The following PTPRN2 variants were observed in gnomAD, a reference collection of about 807,000 sequenced individuals.
PTPRN2 encodes protein tyrosine phosphatase receptor type N2, also known as receptor-type tyrosine-protein phosphatase N2.
Under a neutral mutation model 118.8 loss-of-function variants are expected in PTPRN2, and 74 were observed. The observed-to-expected ratio is 0.62, with a 90% CI of 0.52 to 0.76. The LOEUF is 0.76. Among genes scored for constraint, PTPRN2 ranks in the 30% least tolerant of loss-of-function variants. The pLI is 0.00. For missense variants in PTPRN2, 1,481 were observed against 1,394.4 expected (o/e 1.06, Z -0.99); for synonymous variants, 641 against 608.0 (o/e 1.05, Z -0.80).
chr7:157,969,258 TACC>T (rs544761277), intron 11 of PTPRN2, among the ~76,000 whole-genome samples: 115 of 152,218 alleles, frequency 7.6e-4, no homozygotes, highest in South Asian at 4.4e-3. Context: ...CACAGGTGCA[TACC>T]ACCATGCCCA....
intron 5 of PTPRN2, among the ~76,000 whole-genome samples, chr7:158,172,074 G>A (rs926087230): frequency 6.6e-6 from 1 of 152,054 alleles, no homozygotes; most frequent in Non-Finnish European, 1.5e-5. Flanking sequence ...TATTCTACTG[G>A]GAATATTCTT....
At chr7:158,340,921 C>G (rs1319203071) in intron 2 of PTPRN2, among the ~76,000 whole-genome samples, 1 of 85,354 alleles carries the variant, frequency 1.2e-5, no homozygotes, top group Non-Finnish European at 2.5e-5. Flanking sequence ...CACACCCACA[C>G]ACGTCAATCA....
intron 11 of PTPRN2, among the ~76,000 whole-genome samples, chr7:157,925,254 A>G (rs10270502): frequency 0.17 from 7,197 of 41,492 alleles, 15 homozygotes; most frequent in Middle Eastern, 0.2. Context: ...AGGCACCTGC[A>G]TTTAGCACGT....
chr7:158,019,372 G>A (rs1354313611), intron 11 of PTPRN2, among the ~76,000 whole-genome samples: 1 of 152,270 alleles, frequency 6.6e-6, no homozygotes, highest in Non-Finnish European at 1.5e-5. Context: ...GCGATAGAAG[G>A]AGGGGGCAGA....
intron 12 of PTPRN2, among the ~76,000 whole-genome samples, chr7:157,842,283 C>T (rs1008016153): frequency 6.6e-6 from 1 of 152,134 alleles, no homozygotes; most frequent in Non-Finnish European, 1.5e-5. Context: ...TCAGCCGCCT[C>T]GTCCACCTGA....
At position 157,780,143 on chromosome 7, in the gene PTPRN2, A is replaced by T. The variant is rs1204001746; in HGVS notation, c.1789-97206T>A. Among the ~76,000 whole-genome samples the T allele has an allele frequency of 2.6e-5, 4 of 152,172 alleles. No homozygotes were observed. Among genetic ancestry groups the T allele is most frequent in the Admixed American group, 2.0e-4 (3 of 15,270 alleles). On this transcript the variant is annotated intron_variant, in intron 12 of 22. Coordinates refer to ENST00000389418, the MANE Select transcript of PTPRN2 (RefSeq NM_002847.5). The surrounding 1 kb of genome is among the most constrained non-coding windows in gnomAD (Gnocchi z 4.5). ...AAAGCCCGTGAAACTGTCTTTGTTTATGATCCCACCACGTATCTCTACTAT... is the reference window on the plus strand; with the variant it reads ...AAAGCCCGTGAAACTGTCTTTGTTTTTGATCCCACCACGTATCTCTACTAT...
intron 3 of PTPRN2, among the ~76,000 whole-genome samples, chr7:158,268,595 A>C: frequency 7.2e-6 from 1 of 138,240 alleles, no homozygotes; most frequent in Non-Finnish European, 1.5e-5. Context: ...GGTGTGAAAT[A>C]TCCCAGCCGC....
intron 13 of PTPRN2, among the ~76,000 whole-genome samples, chr7:157,672,081 A>G (rs12698097): frequency 0.2 from 29,989 of 152,000 alleles, 3,595 homozygotes; most frequent in Non-Finnish European, 0.26. Flanking sequence ...TGACTGGGGT[A>G]CAGGGGCCAC....
chr7:158,284,022 AG>A (rs1563087429), intron 3 of PTPRN2, among the ~76,000 whole-genome samples: 1 of 152,238 alleles, frequency 6.6e-6, no homozygotes, highest in African/African-American at 2.4e-5. Flanking sequence ...CACACGTTTA[AG>A]AACGCCTGAA....
intron 12 of PTPRN2, among the ~76,000 whole-genome samples, chr7:157,877,801 C>T (rs1361011364): frequency 2.0e-5 from 3 of 152,178 alleles, no homozygotes. Flanking sequence ...TGCTCAGAGA[C>T]GTCTTCTTCA....
chr7:158,237,883 C>A (rs1382608977), intron 3 of PTPRN2, among the ~76,000 whole-genome samples: 1 of 152,180 alleles, frequency 6.6e-6, no homozygotes, highest in African/African-American at 2.4e-5. Context: ...CGAAGGACAC[C>A]CTTCCCTCAC....
rs1250876517 is a variant in PTPRN2 at position 157,617,478 on chromosome 7, G to T, written c.2344+3884C>A. 1 of 150,504 alleles carries T rather than the reference G, an allele frequency of 6.6e-6. No homozygotes were observed. The highest frequency in any genetic ancestry group is 2.5e-5 in the African/African-American group (1 of 40,664). 9.3% of individuals were successfully genotyped at this position (150,504 alleles called of 1,614,324 possible). A position where few individuals can be genotyped will look rare whatever the true frequency, so the allele number is the denominator to read the frequency against. On this transcript the variant is annotated intron_variant, in intron 15 of 22. Transcript: ENST00000389418. This position sits in a 1 kb window ranked among gnomAD's most constrained non-coding sequence, Gnocchi z 7.5. ...AGCACGGGCGACGCTGGCTCACGAT[G>T]CCCCAGTGATGCTGTGGTTAGGACG...
chr7:157,597,919 AG>A (rs1801442462), intron 16 of PTPRN2, among the ~76,000 whole-genome samples: 1 of 152,232 alleles, frequency 6.6e-6, no homozygotes, highest in Non-Finnish European at 1.5e-5. Context: ...ATTTAATTCC[AG>A]GCACATTCTG....
chr7:158,372,897 C>T (rs1810192497), intron 2 of PTPRN2, among the ~76,000 whole-genome samples: 1 of 152,188 alleles, frequency 6.6e-6, no homozygotes, highest in African/African-American at 2.4e-5. Flanking sequence ...TCCAAGCAGC[C>T]ACATAGGGCT....
intron 12 of PTPRN2, among the ~76,000 whole-genome samples, chr7:157,750,378 C>T (rs968750542): frequency 5.3e-5 from 8 of 152,214 alleles, no homozygotes; most frequent in Middle Eastern, 3.4e-3. Flanking sequence ...GGGAGTGAGG[C>T]GTAGAGGATG....
intron 1 of PTPRN2, among the ~76,000 whole-genome samples, chr7:158,539,110 C>T (rs560318018): frequency 1.5e-4 from 23 of 152,320 alleles, no homozygotes; most frequent in South Asian, 4.1e-4. Flanking sequence ...CAGCCTGCAA[C>T]GACCACACTG....
chr7:158,139,217 T>A (rs1049531470), intron 6 of PTPRN2, among the ~76,000 whole-genome samples: 1 of 152,072 alleles, frequency 6.6e-6, no homozygotes, highest in Non-Finnish European at 1.5e-5. Context: ...ACAAGGCCAT[T>A]TGTGGAGCTG....
At chr7:158,164,220 C>A (rs1040268213) in intron 6 of PTPRN2, among the ~76,000 whole-genome samples, 1 of 148,240 alleles carries the variant, frequency 6.7e-6, no homozygotes, top group Admixed American at 6.6e-5. Flanking sequence ...AGAACAGGAG[C>A]GCGCAGGAAG....
intron 11 of PTPRN2, among the ~76,000 whole-genome samples, chr7:158,071,348 C>CGTGGTGGTGGAGGTGCTT (rs1811522588): frequency 4.5e-5 from 4 of 89,560 alleles, no homozygotes; most frequent in African/African-American, 1.8e-4. Context: ...TGGAGGTGCT[C>CGTGGTGGTGGAGGTGCTT]GTGGTGGTGG....
Sources: allele counts gnomAD v4.1 joint callset (sites outside exome capture counted in the v4.1 genomes callset), GRCh38; gene constraint gnomAD v4.1.1; non-coding constraint Gnocchi (gnomAD v3.1); transcripts MANE v1.5; gene names NCBI Gene and HGNC (gene_info 2026-07-23, HGNC 2026-07-21).